TANC1: variants seen among roughly 807,000 people sequenced by gnomAD.
TANC1 encodes the protein protein TANC1.
TANC1 carries 77 observed loss-of-function variants against 149.7 expected under a neutral mutation model. That is an observed-to-expected ratio of 0.51 (90% confidence interval 0.43 to 0.62). The LOEUF (loss-of-function observed/expected upper bound fraction) is 0.62, where lower values mean the gene tolerates loss of function less well. Ranked by LOEUF, TANC1 falls within the 20% of genes least tolerant of loss-of-function variation. The pLI is 0.00. For missense variants in TANC1, 1,985 were observed against 2,321.8 expected (o/e 0.85, Z 2.98); for synonymous variants, 854 against 925.0 (o/e 0.92, Z 1.39).
chr2:159,187,058 C>A (rs1054746933), intron 16 of TANC1, 34 bp downstream of exon 16: 3 of 1,609,594 alleles, frequency 1.9e-6, no homozygotes, highest in Non-Finnish European at 2.5e-6. Context: ...GCCGGAGACC[C>A]AGCCCTGGCC....
At chr2:159,004,742 A>C (rs1023187873) in intron 2 of TANC1, among the ~76,000 whole-genome samples, 8 of 152,154 alleles carry the variant, frequency 5.3e-5, no homozygotes, top group African/African-American at 1.9e-4. Context: ...AACAAAAAAA[A>C]CCAATATTTG....
chr2:159,228,925 G>T, intron 26 of TANC1, 29 bp downstream of exon 26: 1 of 1,582,170 alleles, frequency 6.3e-7, no homozygotes, highest in South Asian at 1.1e-5. Flanking sequence ...TTTGTGTCTA[G>T]AGCTTTTTTT....
intron 2 of TANC1, among the ~76,000 whole-genome samples, chr2:159,036,146 C>A (rs2040173491): frequency 6.6e-6 from 1 of 152,144 alleles, no homozygotes; most frequent in South Asian, 2.1e-4. Context: ...CGATTCCCTT[C>A]CTGGCTGCCA....
chr2:159,056,135 C>A (rs1405478057), intron 2 of TANC1: 1 of 258,218 alleles, frequency 3.9e-6, no homozygotes, highest in Non-Finnish European at 8.1e-6. Flanking sequence ...CTCATCCAGG[C>A]ACTTGGGCTC....
At chr2:158,973,744 C>T (rs1203176674) in intron 1 of TANC1, among the ~76,000 whole-genome samples, 2 of 152,180 alleles carry the variant, frequency 1.3e-5, no homozygotes, top group Admixed American at 1.3e-4. Flanking sequence ...ACAAGTGGTA[C>T]TGCTGATCAT....
chr2:159,129,923 G>A (rs149833874), intron 4 of TANC1, among the ~76,000 whole-genome samples: 160 of 152,266 alleles, frequency 1.1e-3, no homozygotes, highest in African/African-American at 3.6e-3. Context: ...TAGAGACCCC[G>A]TTCGTGCTAC....
At chr2:159,215,775 G>A (rs2059302955) in intron 19 of TANC1, among the ~76,000 whole-genome samples, 1 of 152,160 alleles carries the variant, frequency 6.6e-6, no homozygotes, top group Non-Finnish European at 1.5e-5. Context: ...GTTTTCTTTT[G>A]GGTTTGGTTT....
chr2:159,185,201 C>T (rs1454631764), intron 14 of TANC1, among the ~76,000 whole-genome samples: 1 of 152,186 alleles, frequency 6.6e-6, no homozygotes, highest in Non-Finnish European at 1.5e-5. Flanking sequence ...ATGGGATCCA[C>T]AGGAAGACAG....
At chr2:159,148,967 A>C in intron 5 of TANC1, 175 bp from the exon 6 acceptor site, 1 of 662,600 alleles carries the variant, frequency 1.5e-6, no homozygotes, top group Non-Finnish European at 2.5e-6. Flanking sequence ...TTAACCTGTC[A>C]CAGTCCCTTA....
chr2:159,016,796 G>C (rs190529394), intron 2 of TANC1, among the ~76,000 whole-genome samples: 2 of 152,060 alleles, frequency 1.3e-5, no homozygotes, highest in East Asian at 1.9e-4. Context: ...GGATGGTCTC[G>C]ATCTCCTGAC....
At chr2:159,031,385 G>C (rs2039770232) in intron 2 of TANC1, among the ~76,000 whole-genome samples, 1 of 152,182 alleles carries the variant, frequency 6.6e-6, no homozygotes, top group South Asian at 2.1e-4. Flanking sequence ...TAAATAGAGA[G>C]GTTTTTAGTG....
intron 2 of TANC1, among the ~76,000 whole-genome samples, chr2:159,012,369 G>A (rs536009252): frequency 2.1e-3 from 316 of 152,054 alleles, no homozygotes; most frequent in Middle Eastern, 3.5e-3. Flanking sequence ...TGATTGTGCC[G>A]ATAGCAATGT....
intron 19 of TANC1, among the ~76,000 whole-genome samples, chr2:159,202,864 C>A (rs1477056545): frequency 6.6e-6 from 1 of 152,144 alleles, no homozygotes; most frequent in Non-Finnish European, 1.5e-5. Flanking sequence ...AAAGTTCTGG[C>A]TACACTGAGT....
At chr2:159,119,740 C>A (rs528290763) in intron 4 of TANC1, among the ~76,000 whole-genome samples, 1 of 152,126 alleles carries the variant, frequency 6.6e-6, no homozygotes, top group South Asian at 2.1e-4. Flanking sequence ...GAGCTGCGGT[C>A]GTGGCTTATC....
intron 1 of TANC1, among the ~76,000 whole-genome samples, chr2:158,971,261 A>G (rs762139256): frequency 2.6e-5 from 4 of 152,236 alleles, no homozygotes; most frequent in Non-Finnish European, 5.9e-5. Flanking sequence ...AATCCATATT[A>G]TAATGACTCC....
chr2:159,214,158 A>C (rs2059191743), intron 19 of TANC1, among the ~76,000 whole-genome samples: 1 of 103,272 alleles, frequency 9.7e-6, no homozygotes, highest in Non-Finnish European at 1.8e-5. Flanking sequence ...ATTTAGTAAC[A>C]GCAAATGTTG....
At chr2:159,086,236 T>G (rs1465406081) in intron 3 of TANC1, among the ~76,000 whole-genome samples, 1 of 151,902 alleles carries the variant, frequency 6.6e-6, no homozygotes, top group African/African-American at 2.4e-5. Context: ...TTTGAGAAAG[T>G]TTAATGTTAA....
intron 7 of TANC1, among the ~76,000 whole-genome samples, chr2:159,160,191 A>G (rs2053903083): frequency 6.6e-6 from 1 of 152,208 alleles, no homozygotes; most frequent in African/African-American, 2.4e-5. Context: ...GCTGAGACCC[A>G]GTTTGGGTGA....
chr2:159,094,622 G>A (rs970448911), intron 3 of TANC1, among the ~76,000 whole-genome samples: 5 of 152,298 alleles, frequency 3.3e-5, no homozygotes, highest in East Asian at 1.9e-4. Context: ...GGGAAAACTC[G>A]TGACCTGGCC....
Sources: allele counts gnomAD v4.1 joint callset (sites outside exome capture counted in the v4.1 genomes callset), GRCh38; gene constraint gnomAD v4.1.1; transcripts MANE v1.5; gene names NCBI Gene and HGNC (gene_info 2026-07-23, HGNC 2026-07-21).